Variants in HECW1 observed in about 807,000 individuals in gnomAD.
HECW1 encodes HECT, C2 and WW domain containing E3 ubiquitin protein ligase 1.
Under a neutral mutation model 182.3 loss-of-function variants are expected in HECW1, and 61 were observed. The observed-to-expected ratio is 0.33, with a 90% CI of 0.27 to 0.41. The LOEUF (loss-of-function observed/expected upper bound fraction) is 0.41. Ranked by LOEUF, HECW1 falls within the 10% of genes least tolerant of loss-of-function variation. The pLI is 1.00. For missense variants in HECW1, 1,739 were observed against 2,108.9 expected (o/e 0.82, Z 3.44); for synonymous variants, 859 against 832.6 (o/e 1.03, Z -0.55).
chr7:43,232,274 A>G (rs1331076044), intron 2 of HECW1, among the ~76,000 whole-genome samples: 1 of 152,192 alleles, frequency 6.6e-6, no homozygotes, highest in Non-Finnish European at 1.5e-5. Context: ...CCACTGGTGA[A>G]CTATAAGAAC....
chr7:43,161,286 A>G (rs944466078), intron 2 of HECW1, among the ~76,000 whole-genome samples: 5 of 151,986 alleles, frequency 3.3e-5, no homozygotes, highest in Admixed American at 6.6e-5. Context: ...ATTTTTCATT[A>G]TGTTGGTTAA....
chr7:43,339,760 G>A (rs1187627056), intron 5 of HECW1, among the ~76,000 whole-genome samples: 2 of 152,138 alleles, frequency 1.3e-5, no homozygotes, highest in Non-Finnish European at 2.9e-5. Context: ...TCCGCGGGGT[G>A]CAGTCCAATT....
At chr7:43,312,194 A>T (rs1387563665) in intron 4 of HECW1, 107 bp downstream of exon 4, 1 of 1,048,932 alleles carries the variant, frequency 9.5e-7, no homozygotes, top group Non-Finnish European at 1.4e-6. Flanking sequence ...ACTGTGTTAT[A>T]TGCCAGATTC....
At chr7:43,417,441 G>A (rs1454102100) in intron 8 of HECW1, among the ~76,000 whole-genome samples, 3 of 152,230 alleles carry the variant, frequency 2.0e-5, no homozygotes, top group East Asian at 1.9e-4. Flanking sequence ...AGTGGGCCTG[G>A]TGAGTCTAAT....
At chr7:43,440,742 C>T (rs1388336748) in intron 9 of HECW1, 1 of 152,194 alleles carries the variant, frequency 6.6e-6, no homozygotes, top group African/African-American at 2.4e-5. Context: ...AGACCTACTT[C>T]ATAATATTGA....
chr7:43,236,262 A>C (rs573421672), intron 2 of HECW1, among the ~76,000 whole-genome samples: 1 of 152,322 alleles, frequency 6.6e-6, no homozygotes, highest in Admixed American at 6.5e-5. Context: ...TGATTACTTA[A>C]TCTATATCAT....
chr7:43,119,529 T>C (rs1008305282), intron 2 of HECW1, among the ~76,000 whole-genome samples: 24 of 152,210 alleles, frequency 1.6e-4, no homozygotes, highest in Non-Finnish European at 2.8e-4. Context: ...CTTACTTAAA[T>C]TCCTTCTCTC....
chr7:43,353,294 G>A (rs563260045), intron 5 of HECW1, among the ~76,000 whole-genome samples: 65 of 152,120 alleles, frequency 4.3e-4, no homozygotes, highest in African/African-American at 1.5e-3. Context: ...AAATTACAGG[G>A]ATATTTAGGT....
intron 3 of HECW1, among the ~76,000 whole-genome samples, chr7:43,305,165 G>C (rs1807396401): frequency 6.6e-6 from 1 of 152,122 alleles, no homozygotes; most frequent in South Asian, 2.1e-4. Flanking sequence ...GATGACCTTG[G>C]CTTTTGTCAA....
rs752481690 is a variant in HECW1, at chr7:43,550,537, G to C, written c.4341G>C (p.Arg1447=). The change falls in exon 27 of 30, where the codon CGG becomes CGC. Residue 1447 remains arginine, a synonymous_variant. Transcript: ENST00000395891. The stretch of plus-strand genomic sequence containing the variant: ...ACATCGAGCGCATGGTGAAGTGGCG[G>C]GTGGAGCGCGGCGTGGTACAGCAGA... The part of the protein sequence containing the change: ...KEYIERMVKW[R]VERGVVQQTE... 3 of 1,612,226 alleles carry C rather than the reference G, an allele frequency of 1.9e-6. No homozygotes were observed. In the African/African-American group the frequency reaches 4.0e-5, roughly 22 times the overall value.
intron 19 of HECW1, among the ~76,000 whole-genome samples, chr7:43,498,618 GC>G (rs953292519): frequency 8.5e-4 from 129 of 152,214 alleles, no homozygotes; most frequent in African/African-American, 3.1e-3. Flanking sequence ...TGTTCTCTTT[GC>G]TGGGCTTTCA....
At chr7:43,119,968 A>C (rs980938210) in intron 2 of HECW1, among the ~76,000 whole-genome samples, 2 of 152,172 alleles carry the variant, frequency 1.3e-5, no homozygotes, top group African/African-American at 4.8e-5. Context: ...TTAAAAGTGG[A>C]AGTCTTCTCA....
chr7:43,502,263 G>C (rs957068296), intron 21 of HECW1, among the ~76,000 whole-genome samples: 3 of 152,114 alleles, frequency 2.0e-5, no homozygotes, highest in Non-Finnish European at 4.4e-5. Flanking sequence ...TATTCCTCCT[G>C]TTTTCTTTAT....
chr7:43,300,081 C>T (rs1037787266), intron 3 of HECW1, among the ~76,000 whole-genome samples: 14 of 152,244 alleles, frequency 9.2e-5, no homozygotes, highest in African/African-American at 2.7e-4. Context: ...TTTCTTTCTT[C>T]TATCAATGTT....
chr7:43,207,230 A>G (rs1795560598), intron 2 of HECW1, among the ~76,000 whole-genome samples: 1 of 151,966 alleles, frequency 6.6e-6, no homozygotes, highest in African/African-American at 2.4e-5. Flanking sequence ...TATTTTTAGT[A>G]AAGACGGGGT....
chr7:43,200,239 A>G (rs1464084116), intron 2 of HECW1, among the ~76,000 whole-genome samples: 1 of 152,222 alleles, frequency 6.6e-6, no homozygotes, highest in African/African-American at 2.4e-5. Flanking sequence ...TACTTATTTT[A>G]TTAGAGGTAC....
intron 24 of HECW1, among the ~76,000 whole-genome samples, chr7:43,514,383 G>C (rs2080034769): frequency 6.7e-6 from 1 of 149,986 alleles, no homozygotes; most frequent in African/African-American, 2.5e-5. Flanking sequence ...TCCACCTCCT[G>C]GTTCAAGCAA....
intron 5 of HECW1, among the ~76,000 whole-genome samples, chr7:43,349,030 GT>G (rs1814053529): frequency 7.4e-6 from 1 of 135,488 alleles, no homozygotes; most frequent in Non-Finnish European, 1.5e-5. Context: ...TTTTGTTTTT[GT>G]TTTGTTTTGT....
At chr7:43,156,981 T>C (rs549136166) in intron 2 of HECW1, among the ~76,000 whole-genome samples, 1 of 152,314 alleles carries the variant, frequency 6.6e-6, no homozygotes, top group African/African-American at 2.4e-5. Context: ...TCAATGAGAT[T>C]TGAGGGGCTA....
Sources: allele counts gnomAD v4.1 joint callset (sites outside exome capture counted in the v4.1 genomes callset), GRCh38; gene constraint gnomAD v4.1.1; transcripts MANE v1.5; gene names NCBI Gene and HGNC (gene_info 2026-07-23, HGNC 2026-07-21).